Variants in RHBDD1 observed in about 807,000 individuals in gnomAD.
RHBDD1 encodes the protein rhomboid domain containing 1, also known as rhomboid-related protein 4.
In RHBDD1, 38 loss-of-function variants were observed where a neutral mutation model predicts 36.3. The observed-to-expected ratio is 1.05, with a 90% CI of 0.81 to 1.37. The LOEUF (loss-of-function observed/expected upper bound fraction) is 1.37, where lower values mean the gene tolerates loss of function less well. RHBDD1 is among the 40% of genes most tolerant of loss of function. The pLI is 0.00. For synonymous variants in RHBDD1, 151 were observed against 136.5 expected (o/e 1.11, Z -0.74); for missense variants, 393 against 377.6 (o/e 1.04, Z -0.34).
At chr2:226,988,871 A>AC in intron 8 of RHBDD1, 1 of 211,340 alleles carries the variant, frequency 4.7e-6, no homozygotes, top group Non-Finnish European at 8.2e-6. Flanking sequence ...ACTCCTTGTC[A>AC]AAGGAGATCC....
rs1398846182 is a variant in RHBDD1 at position 226,998,002 on chromosome 2, CTAAT to C, written c.*2483_*2486del. 3 of 152,216 alleles carry C rather than the reference CTAAT, an allele frequency of 2.0e-5. No homozygotes were observed. Among genetic ancestry groups the C allele is most frequent in the Non-Finnish European group, 4.4e-5 (3 of 68,028 alleles). The allele number at this position is 152,216 out of a possible 1,614,324, so 9.4% of individuals were successfully genotyped here. ...AAAGCAAGTGAGCAAGTGTATTAGACTAATTATCTCTAGTAGGGAATAAGCACTT... is the reference window on the plus strand; with the variant it reads ...AAAGCAAGTGAGCAAGTGTATTAGACTATCTCTAGTAGGGAATAAGCACTT... On this transcript the variant is annotated 3_prime_UTR_variant, in exon 9 of 9. Transcript: ENST00000392062.
At chr2:226,870,922 G>A (rs908342375) in intron 5 of RHBDD1, among the ~76,000 whole-genome samples, 2 of 152,140 alleles carry the variant, frequency 1.3e-5, no homozygotes, top group Non-Finnish European at 2.9e-5. Flanking sequence ...ATGGGTAGCA[G>A]AGGTGGAAGA....
intron 5 of RHBDD1, among the ~76,000 whole-genome samples, chr2:226,904,414 C>CT (rs1553562495): frequency 4.3e-5 from 2 of 46,590 alleles, no homozygotes; most frequent in Non-Finnish European, 8.2e-5. Context: ...ATCCTGCAAG[C>CT]GGGGGGGGAG....
rs1942802382 is a variant in RHBDD1, at chr2:226,851,473, T to C, written c.-91+11846T>C. On this transcript the variant is annotated intron_variant, in intron 3 of 8. Coordinates refer to ENST00000392062, the MANE Select transcript of RHBDD1 (RefSeq NM_001167608.3). ...CAGGACCACAAATCTAGGAGCCGAA[T>C]TAGGATGGGCAGAATCAGGACAACT... Among the ~76,000 whole-genome samples the C allele has an allele frequency of 2.6e-5, 4 of 151,994 alleles. No individual in the cohort carries two copies. The South Asian group carries it at 8.3e-4, about 32-fold the overall frequency.
intron 8 of RHBDD1, among the ~76,000 whole-genome samples, chr2:226,919,993 G>A (rs1296866272): frequency 4.6e-5 from 7 of 151,526 alleles, no homozygotes; most frequent in Admixed American, 4.6e-4. Flanking sequence ...CTGCTTCAAT[G>A]TTTTCATCAA....
intron 5 of RHBDD1, among the ~76,000 whole-genome samples, chr2:226,880,420 C>A (rs1207654626): frequency 6.6e-6 from 1 of 152,182 alleles, no homozygotes; most frequent in Non-Finnish European, 1.5e-5. Context: ...GCAGGGGTTA[C>A]AATTGAGCAG....
chr2:226,861,209 A>G (rs1173168688), intron 3 of RHBDD1, among the ~76,000 whole-genome samples: 1 of 152,188 alleles, frequency 6.6e-6, no homozygotes, highest in Non-Finnish European at 1.5e-5. Context: ...GAATTACAAA[A>G]ATCATTAAAG....
chr2:226,871,765 T>C (rs1220807634), intron 5 of RHBDD1, among the ~76,000 whole-genome samples: 1 of 152,208 alleles, frequency 6.6e-6, no homozygotes, highest in African/African-American at 2.4e-5. Context: ...AACTGGCTCT[T>C]TTTTGGCGAT....
intron 8 of RHBDD1, chr2:226,988,393 A>G (rs779846300): frequency 1.3e-6 from 2 of 1,550,522 alleles, no homozygotes; most frequent in Non-Finnish European, 8.7e-7. Flanking sequence ...AGGTCAGAAC[A>G]GACAAAGGAC....
intron 3 of RHBDD1, among the ~76,000 whole-genome samples, chr2:226,851,597 C>T (rs1319513606): frequency 6.6e-6 from 1 of 151,984 alleles, no homozygotes; most frequent in Non-Finnish European, 1.5e-5. Flanking sequence ...TTCCAAATTG[C>T]CTGGGGATCC....
At chr2:226,869,056 C>A in intron 5 of RHBDD1, 1 of 439,874 alleles carries the variant, frequency 2.3e-6, no homozygotes, top group Non-Finnish European at 3.0e-6. Context: ...GAACTTTCAT[C>A]CTGTGATGAA....
chr2:226,803,210 T>C, the RHBDD1 span, among the ~76,000 whole-genome samples: 3 of 152,302 alleles, frequency 2.0e-5, no homozygotes, highest in African/African-American at 7.2e-5. Flanking sequence ...ATTTGAATGC[T>C]TACTCTGCAA....
At chr2:226,846,524 A>C (rs534741275) in intron 3 of RHBDD1, among the ~76,000 whole-genome samples, 120 of 152,224 alleles carry the variant, frequency 7.9e-4, no homozygotes, top group African/African-American at 2.8e-3. Flanking sequence ...CAGGTGGATC[A>C]CCTCAGGTCA....
At chr2:226,972,927 A>G (rs1953841470) in intron 8 of RHBDD1, among the ~76,000 whole-genome samples, 1 of 110,076 alleles carries the variant, frequency 9.1e-6, no homozygotes, top group Non-Finnish European at 1.8e-5. Context: ...GGAAGCCTGT[A>G]GCAAAAAAAA....
chr2:226,899,424 C>T (rs1392279494), intron 5 of RHBDD1, among the ~76,000 whole-genome samples: 1 of 152,044 alleles, frequency 6.6e-6, no homozygotes, highest in East Asian at 1.9e-4. Context: ...ATTGAGCACC[C>T]CCTCTGTGTC....
chr2:226,918,243 A>C lies in RHBDD1; in HGVS notation c.856+3892A>C, dbSNP rs570575806. The stretch of plus-strand genomic sequence containing the variant: ...TATTTATGGGGTACATGAGAATTTT[A>C]ATACAGGCATGCAGTGTATAATACA... On this transcript the variant is annotated intron_variant, in intron 8 of 8. Coordinates refer to ENST00000392062, the MANE Select transcript of RHBDD1 (RefSeq NM_001167608.3). Among the ~76,000 whole-genome samples the C allele has an allele frequency of 1.2e-4, 19 of 152,068 alleles. No individual in the cohort carries two copies. In the South Asian group the frequency reaches 3.3e-3, roughly 27 times the overall value.
chr2:226,993,331 T>C (rs1559366192), intron 8 of RHBDD1, among the ~76,000 whole-genome samples: 1 of 152,208 alleles, frequency 6.6e-6, no homozygotes. Context: ...TCGAGCTTGC[T>C]TCTGACTCTG....
intron 8 of RHBDD1, among the ~76,000 whole-genome samples, chr2:226,957,466 CA>C (rs1951857258): frequency 6.6e-6 from 1 of 151,852 alleles, no homozygotes; most frequent in South Asian, 2.1e-4. Context: ...ATGACGCCTG[CA>C]ATCTCAGCAC....
At chr2:226,897,023 G>A (rs957840855) in intron 5 of RHBDD1, among the ~76,000 whole-genome samples, 4 of 152,052 alleles carry the variant, frequency 2.6e-5, no homozygotes, top group Admixed American at 6.6e-5. Context: ...GGCTGGTCTC[G>A]AACTCCTGAC....
Sources: gnomAD v4.1 joint callset for allele counts (sites outside exome capture counted in the v4.1 genomes callset) on GRCh38, gnomAD v4.1.1 for gene constraint, MANE v1.5 for transcripts, NCBI Gene and HGNC (gene_info 2026-07-23, HGNC 2026-07-21) for gene names.